Variants in TLN2 observed in about 807,000 individuals in gnomAD.
TLN2 encodes the protein talin-2.
A neutral mutation model predicts 294.7 loss-of-function variants in TLN2; 118 were observed. The observed-to-expected ratio is 0.40, with a 90% CI of 0.34 to 0.47. TLN2 has a LOEUF of 0.47. TLN2 is among the 20% of genes least tolerant of loss of function. The pLI is 0.84. For synonymous variants in TLN2, 1,431 were observed against 1,304.5 expected (o/e 1.10, Z -2.09); for missense variants, 3,083 against 3,282.2 (o/e 0.94, Z 1.48).
At chr15:62,821,590 C>T (rs575434905) in intron 54 of TLN2, among the ~76,000 whole-genome samples, 1 of 152,322 alleles carries the variant, frequency 6.6e-6, no homozygotes, top group African/African-American at 2.4e-5. Context: ...GTCTGTTCAG[C>T]TTGGGAACAT....
intron 1 of TLN2, among the ~76,000 whole-genome samples, chr15:62,564,911 A>AG (rs2043260470): frequency 3.3e-5 from 3 of 91,732 alleles, no homozygotes; most frequent in Non-Finnish European, 6.6e-5. Flanking sequence ...ATCTCAAAAA[A>AG]AAAAAAAAAA....
At chr15:62,788,311 CA>C (rs572149089) in intron 45 of TLN2, among the ~76,000 whole-genome samples, 1 of 151,592 alleles carries the variant, frequency 6.6e-6, no homozygotes, top group African/African-American at 2.4e-5. Context: ...AACTCCATCT[CA>C]AAAAAAAGAA....
chr15:62,513,303 C>T (rs2040023537), intron 1 of TLN2, among the ~76,000 whole-genome samples: 1 of 152,170 alleles, frequency 6.6e-6, no homozygotes, highest in Non-Finnish European at 1.5e-5. Flanking sequence ...TGAGGGCCAC[C>T]TTGTTTCCCA....
intron 37 of TLN2, 60 bp downstream of exon 37, chr15:62,755,753 G>A: frequency 6.3e-7 from 1 of 1,591,634 alleles, no homozygotes; most frequent in Non-Finnish European, 8.6e-7. Context: ...GCGGGGGAAG[G>A]GGAACAAGAT....
At chr15:62,492,292 C>G (rs1471554064) in intron 1 of TLN2, among the ~76,000 whole-genome samples, 2 of 151,874 alleles carry the variant, frequency 1.3e-5, no homozygotes, top group East Asian at 3.9e-4. Context: ...GGTGCGGTGG[C>G]TGATGCCTAT....
chr15:62,472,895 G>T (rs556278589), intron 1 of TLN2, among the ~76,000 whole-genome samples: 30 of 152,238 alleles, frequency 2.0e-4, no homozygotes, highest in Non-Finnish European at 3.7e-4. Context: ...AGGCCTCTGT[G>T]TGCAGCTGAG....
intron 1 of TLN2, among the ~76,000 whole-genome samples, chr15:62,496,017 T>G (rs906200576): frequency 2.0e-5 from 3 of 152,090 alleles, no homozygotes; most frequent in Non-Finnish European, 4.4e-5. Flanking sequence ...TTTATGAAGC[T>G]AAACAGATGA....
intron 1 of TLN2, among the ~76,000 whole-genome samples, chr15:62,484,662 T>A (rs192969930): frequency 1.2e-4 from 19 of 152,156 alleles, no homozygotes; most frequent in African/African-American, 4.6e-4. Context: ...CCTGACCTCA[T>A]GATCCACCCG....
Position 62,819,496 on chromosome 15 carries a change from G to T in TLN2, c.6772-20G>T. The stretch of plus-strand genomic sequence containing the variant: ...TGGTTACTATCCCCCTCATGCCTCT[G>T]ACTTGTTCTTCACCTGTAGATTCTT... On this transcript the variant is annotated intron_variant, in intron 52 of 58. Transcript: ENST00000636159. 1 of 1,604,720 alleles carries T rather than the reference G, an allele frequency of 6.2e-7. No individual in the cohort carries two copies. The highest frequency in any genetic ancestry group is 1.1e-5 in the South Asian group (1 of 90,860).
In TLN2 at chr15:62,598,755, A is replaced by T. The variant is rs538125101; in HGVS notation, c.-162+8993A>T. Reference sequence around the variant, plus strand: ...AAATGGAATTTTCTCTCAGGAATGGAGAGAAAATAGAAGTGCTCAAAGTAA... The same window carrying T: ...AAATGGAATTTTCTCTCAGGAATGGTGAGAAAATAGAAGTGCTCAAAGTAA... On this transcript the variant is annotated intron_variant, in intron 2 of 58. Transcript: ENST00000636159. Among the ~76,000 whole-genome samples the T allele has an allele frequency of 5.3e-5, 8 of 151,454 alleles. No individual in the cohort carries two copies. In the South Asian group the frequency reaches 1.7e-3, roughly 32 times the overall value.
intron 11 of TLN2, among the ~76,000 whole-genome samples, chr15:62,682,362 C>T (rs1033750758): frequency 3.3e-5 from 5 of 151,972 alleles, no homozygotes; most frequent in Admixed American, 6.6e-5. Context: ...AAAAATAAGC[C>T]GGATTTAGCA....
In TLN2 at chr15:62,425,631, G is replaced by A. The variant is rs114384503; in HGVS notation, c.-238+34946G>A. Among the ~76,000 whole-genome samples the A allele has an allele frequency of 7.9e-3, 1,203 of 152,282 alleles. 18 individuals carry two copies. Among genetic ancestry groups the A allele is most frequent in the African/African-American group, 0.027 (1,121 of 41,574 alleles). ...AGTGAGTCTTCCTGCTTTGGTGTTTGTCTCTTGTACTGTCATAATTGTGTT... is the reference window on the plus strand; with the variant it reads ...AGTGAGTCTTCCTGCTTTGGTGTTTATCTCTTGTACTGTCATAATTGTGTT... On this transcript the variant is annotated intron_variant, in intron 1 of 58. Coordinates refer to ENST00000636159, the MANE Select transcript of TLN2 (RefSeq NM_015059.3).
At chr15:62,638,452 A>G (rs1047224215) in intron 3 of TLN2, 9 of 442,660 alleles carry the variant, frequency 2.0e-5, no homozygotes, top group Admixed American at 9.9e-5. Flanking sequence ...AGTGCCAAGA[A>G]CTACCTGGCA....
intron 1 of TLN2, among the ~76,000 whole-genome samples, chr15:62,521,228 G>A (rs1042224165): frequency 2.6e-5 from 4 of 152,112 alleles, no homozygotes; most frequent in African/African-American, 9.7e-5. Flanking sequence ...CTTTATGGCT[G>A]AATTTTTGAC....
chr15:62,790,363 T>A (rs988716968), intron 45 of TLN2, among the ~76,000 whole-genome samples: 2 of 152,162 alleles, frequency 1.3e-5, no homozygotes, highest in Non-Finnish European at 2.9e-5. Flanking sequence ...TGCTGCTAAG[T>A]CGAAAAATCA....
intron 52 of TLN2, among the ~76,000 whole-genome samples, chr15:62,813,929 C>G (rs565017140): frequency 4.1e-4 from 62 of 152,166 alleles, no homozygotes; most frequent in Non-Finnish European, 7.9e-4. Context: ...ATTCTCCTGC[C>G]TCAGCCTCCC....
intron 32 of TLN2, among the ~76,000 whole-genome samples, chr15:62,747,765 A>G (rs1247768568): frequency 2.6e-5 from 4 of 152,240 alleles, no homozygotes; most frequent in Admixed American, 2.6e-4. Flanking sequence ...GCTGACTGGA[A>G]GCCTTGCTGA....
intron 2 of TLN2, among the ~76,000 whole-genome samples, chr15:62,600,719 G>A (rs1373440139): frequency 1.3e-5 from 2 of 152,178 alleles, no homozygotes; most frequent in Non-Finnish European, 2.9e-5. Context: ...AACTGTGCAC[G>A]TATTACCCAA....
intron 57 of TLN2, among the ~76,000 whole-genome samples, chr15:62,836,986 T>C (rs1212284415): frequency 1.3e-5 from 2 of 151,774 alleles, no homozygotes; most frequent in Non-Finnish European, 1.5e-5. Flanking sequence ...TTGCATGATA[T>C]TACATCAACT....
Sources: allele counts gnomAD v4.1 joint callset (sites outside exome capture counted in the v4.1 genomes callset), GRCh38; gene constraint gnomAD v4.1.1; transcripts MANE v1.5; gene names NCBI Gene and HGNC (gene_info 2026-07-23, HGNC 2026-07-21).